MSN: variants seen among roughly 807,000 people sequenced by gnomAD.
MSN encodes epididymis luminal protein 70.
In MSN, 2 loss-of-function variants were observed where a neutral mutation model predicts 48.0. The ratio of observed to expected loss-of-function variants is 0.04; its 90% CI spans 0.02 to 0.13. The LOEUF (loss-of-function observed/expected upper bound fraction) is 0.13, where lower values mean the gene tolerates loss of function less well. Ranked by LOEUF, MSN falls within the 10% of genes least tolerant of loss-of-function variation. The pLI is 1.00. For missense variants in MSN, 267 were observed against 470.1 expected (o/e 0.57, Z 3.99); for synonymous variants, 146 against 166.9 (o/e 0.87, Z 0.97).
chrX:65,616,994 T>C (rs2070379512), intron 1 of MSN, among the ~76,000 whole-genome samples: 1 of 109,962 alleles, frequency 9.1e-6, no homozygotes, highest in Non-Finnish European at 1.9e-5. Context: ...GCTCTGTTTA[T>C]ATGCTGGATT....
At chrX:65,693,456 A>C (rs1434707127) in intron 1 of MSN, among the ~76,000 whole-genome samples, 1 of 111,721 alleles carries the variant, frequency 9.0e-6, no homozygotes, top group African/African-American at 3.3e-5. Flanking sequence ...TAGTGCTATA[A>C]ATTTCCCTTT....
At chrX:65,615,367 T>C (rs1369113067) in intron 1 of MSN, among the ~76,000 whole-genome samples, 2 of 108,902 alleles carry the variant, frequency 1.8e-5, no homozygotes, top group Non-Finnish European at 3.8e-5. Flanking sequence ...CCAACACCTG[T>C]TGTTTCCTGA....
At chrX:65,660,889 G>T (rs2070817828) in intron 1 of MSN, among the ~76,000 whole-genome samples, 1 of 112,175 alleles carries the variant, frequency 8.9e-6, no homozygotes, top group Non-Finnish European at 1.9e-5. Context: ...TTCTTTAGGG[G>T]AAAGGCTTTC....
chrX:65,614,819 G>A (rs1455673299), intron 1 of MSN, among the ~76,000 whole-genome samples: 1 of 97,595 alleles, frequency 1.0e-5, no homozygotes, highest in Non-Finnish European at 2.1e-5. Flanking sequence ...TCGTCATCTA[G>A]CATTAGGTAT....
intron 1 of MSN, among the ~76,000 whole-genome samples, chrX:65,696,490 G>C (rs189093035): frequency 1.8e-5 from 2 of 111,215 alleles, no homozygotes; most frequent in African/African-American, 6.5e-5. Flanking sequence ...GAGGCTTCTG[G>C]GTAATTTCCA....
intron 1 of MSN, among the ~76,000 whole-genome samples, chrX:65,635,079 A>G (rs1347066305): frequency 9.0e-6 from 1 of 111,602 alleles, no homozygotes; most frequent in Non-Finnish European, 1.9e-5. Flanking sequence ...CTGACTCTGT[A>G]TACTTTTTCC....
At chrX:65,664,059 CAAA>C (rs773139397), upstream of MSN, among the ~76,000 whole-genome samples, 1 of 40,360 alleles carries the variant, frequency 2.5e-5, no homozygotes. Context: ...GACTCCATCT[CAAA>C]AAAAAAAAAA....
intron 1 of MSN, among the ~76,000 whole-genome samples, chrX:65,618,977 G>A (rs1341195616): frequency 8.6e-5 from 9 of 104,665 alleles, no homozygotes; most frequent in Non-Finnish European, 1.8e-4. Flanking sequence ...AGCTTAGTTT[G>A]GCTGGATATG....
chrX:65,712,602 C>G (rs777269631), intron 1 of MSN, among the ~76,000 whole-genome samples: 11 of 108,246 alleles, frequency 1.0e-4, no homozygotes, highest in African/African-American at 3.7e-4. Context: ...AAGATCACCA[C>G]CCCAAAACCA....
At chrX:65,689,472 C>T (rs1311627776) in intron 1 of MSN, among the ~76,000 whole-genome samples, 1 of 111,324 alleles carries the variant, frequency 9.0e-6, no homozygotes, top group Non-Finnish European at 1.9e-5. Context: ...GGAAGAAGTG[C>T]CCTGGAGAGG....
intron 2 of MSN, among the ~76,000 whole-genome samples, chrX:65,723,759 AGAG>A (rs769966509): frequency 8.9e-6 from 1 of 111,809 alleles, no homozygotes; most frequent in East Asian, 2.8e-4. Context: ...CATGGGCCTT[AGAG>A]ATTTCCTTGT....
intron 1 of MSN, among the ~76,000 whole-genome samples, chrX:65,700,409 C>T (rs984836162): frequency 1.9e-4 from 21 of 112,101 alleles, no homozygotes; most frequent in Non-Finnish European, 3.6e-4. Flanking sequence ...CCCTGCCTCA[C>T]TCCAGCCTCT....
chrX:65,664,855 T>G (rs575505600), upstream of MSN, among the ~76,000 whole-genome samples: 1 of 109,366 alleles, frequency 9.1e-6, no homozygotes, highest in South Asian at 4.0e-4. Context: ...GTTCAAGTAA[T>G]TCTCCTGCCT....
intron 1 of MSN, among the ~76,000 whole-genome samples, chrX:65,634,022 C>T (rs754847254): frequency 1.8e-5 from 2 of 111,438 alleles, no homozygotes; most frequent in Non-Finnish European, 3.8e-5. Context: ...TCACTCATCT[C>T]CTTGTTTCCC....
intron 1 of MSN, among the ~76,000 whole-genome samples, chrX:65,713,139 G>A (rs2071430332): frequency 8.9e-6 from 1 of 111,956 alleles, no homozygotes; most frequent in Non-Finnish European, 1.9e-5. Context: ...CATTACTACT[G>A]AGTTTTCAGC....
At chrX:65,627,448 C>A (rs755403859) in intron 1 of MSN, among the ~76,000 whole-genome samples, 1 of 110,648 alleles carries the variant, frequency 9.0e-6, no homozygotes, top group South Asian at 3.8e-4. Context: ...ATGGCAGTGG[C>A]AAGAGAAAAT....
At chrX:65,667,521 GGCCTGGCTGCGCCGGGCCT>G (rs1288764385), upstream of MSN, 1 of 598,687 alleles carries the variant, frequency 1.7e-6, no homozygotes, top group Non-Finnish European at 2.0e-6. Flanking sequence ...TGGCCGCTGT[GGCCTGGCTGCGCCGGGCCT>G]GGCCAGGCGG....
At chrX:65,735,548 G>T in intron 8 of MSN, 118 bp downstream of exon 8, 1 of 816,741 alleles carries the variant, frequency 1.2e-6, no homozygotes, top group Non-Finnish European at 1.7e-6. Context: ...TGAGAGGTTA[G>T]ACACCAATAT....
intron 1 of MSN, among the ~76,000 whole-genome samples, chrX:65,613,629 T>C (rs1020928162): frequency 3.6e-5 from 4 of 112,627 alleles, no homozygotes; most frequent in African/African-American, 6.4e-5. Flanking sequence ...CCGGTGATGA[T>C]GATCTTTTTT....
Sources: allele counts gnomAD v4.1 joint callset (sites outside exome capture counted in the v4.1 genomes callset), GRCh38; gene constraint gnomAD v4.1.1; transcripts MANE v1.5; gene names NCBI Gene and HGNC (gene_info 2026-07-23, HGNC 2026-07-21).